The following DCP1A variants were observed in gnomAD, a reference collection of about 807,000 sequenced individuals.
The protein encoded by DCP1A is decapping mRNA 1A.
DCP1A carries 20 observed loss-of-function variants against 58.0 expected under a neutral mutation model. That is an observed-to-expected ratio of 0.34 (90% CI 0.24 to 0.50). The LOEUF (loss-of-function observed/expected upper bound fraction) is 0.50, where lower values mean the gene tolerates loss of function less well. Among genes scored for constraint, DCP1A ranks in the 20% least tolerant of loss-of-function variants. DCP1A has a pLI of 0.98. For missense variants in DCP1A, 613 were observed against 712.2 expected, an observed-to-expected ratio of 0.86 and a Z score of 1.59; for synonymous variants, 285 against 275.1, an observed-to-expected ratio of 1.04 and a Z score of -0.36.
intron 8 of DCP1A, among the ~76,000 whole-genome samples, chr3:53,289,011 T>A (rs1208069627): frequency 9.3e-5 from 14 of 150,396 alleles, no homozygotes; most frequent in African/African-American, 3.4e-4. Context: ...AAAGACTCCA[T>A]CTCGTCTTTT....
At chr3:53,325,585 G>A (rs1708083956) in intron 3 of DCP1A, among the ~76,000 whole-genome samples, 1 of 152,178 alleles carries the variant, frequency 6.6e-6, no homozygotes, top group Non-Finnish European at 1.5e-5. Flanking sequence ...CGGGCTTTGG[G>A]TATAGACAAA....
At position 53,333,287 on chromosome 3, in the gene DCP1A, C is replaced by A. The variant is rs559491776; in HGVS notation, c.304+8857G>T. Among the ~76,000 whole-genome samples the A allele has an allele frequency of 2.6e-5, 4 of 151,984 alleles. No homozygotes were observed. In the South Asian group the frequency reaches 8.3e-4, roughly 32 times the overall value. On this transcript the variant is annotated intron_variant, in intron 3 of 9. Coordinates refer to ENST00000610213, the MANE Select transcript of DCP1A (RefSeq NM_018403.7). ...TCCTGAGTAGCTGGGATTACAGGCGCCTGCCACCATGCCTGGCTAATTTTT... is the reference window on the plus strand; with the variant it reads ...TCCTGAGTAGCTGGGATTACAGGCGACTGCCACCATGCCTGGCTAATTTTT...
rs1252120135 is a variant in DCP1A at position 53,297,685 on chromosome 3, CA to C, written c.625-4859del. Reference sequence around the variant, plus strand: ...CTAATTCTTATTAATGCAAATTAAACAGCTCATAACCACCCCATTCTATTAC... The same window carrying C: ...CTAATTCTTATTAATGCAAATTAAACGCTCATAACCACCCCATTCTATTAC... On this transcript the variant is annotated intron_variant, in intron 6 of 9. Coordinates refer to ENST00000610213, the MANE Select transcript of DCP1A (RefSeq NM_018403.7). Among the ~76,000 whole-genome samples the C allele has an allele frequency of 5.3e-5, 8 of 152,252 alleles. No homozygotes were observed. The East Asian group carries it at 1.3e-3, about 26-fold the overall frequency.
Position 53,291,936 on chromosome 3 carries a change from G to A in DCP1A, c.1383+133C>T, listed in dbSNP as rs537646726. ...AGGGCTTCTTACCTCACCTGTCTCC[G>A]AGCCTCTGACATACTTTAAAGGGAC... On this transcript the variant is annotated intron_variant, in intron 7 of 9. Transcript: ENST00000610213. 17 of 963,632 alleles carry A rather than the reference G, an allele frequency of 1.8e-5. No individual in the cohort carries two copies. In the African/African-American group the frequency reaches 1.8e-4, roughly 10 times the overall value. 59.7% of individuals were successfully genotyped at this position (963,632 alleles called of 1,614,324 possible). A position where few individuals can be genotyped will look rare whatever the true frequency, so the allele number is the denominator to read the frequency against.
chr3:53,327,989 G>A (rs1240235623), intron 3 of DCP1A, among the ~76,000 whole-genome samples: 3 of 152,150 alleles, frequency 2.0e-5, no homozygotes, highest in Non-Finnish European at 4.4e-5. Context: ...CGGGCATGGT[G>A]GCGTGTGCCT....
At position 53,289,612 on chromosome 3, in the gene DCP1A, C is replaced by CAAAA. The variant is rs782533868; in HGVS notation, c.1449+1175_1449+1178dup. On this transcript the variant is annotated intron_variant, in intron 8 of 9. Coordinates refer to ENST00000610213, the MANE Select transcript of DCP1A (RefSeq NM_018403.7). ...GGGCAACAAAGCAAGACTCTGCTTC[C>CAAAA]AAAAAAAAAAAAAAATCCAGTTATG... is the stretch of plus-strand genomic sequence containing the variant. Among the ~76,000 whole-genome samples the CAAAA allele has an allele frequency of 5.4e-5, 5 of 91,754 alleles. No homozygotes were observed. The South Asian group carries it at 1.3e-3, about 24-fold the overall frequency. The allele number at this position is 91,754 out of a possible 152,430, so 60.2% of individuals were successfully genotyped here.
intron 4 of DCP1A, among the ~76,000 whole-genome samples, chr3:53,317,376 G>A (rs1472230668): frequency 6.6e-6 from 1 of 152,120 alleles, no homozygotes; most frequent in Non-Finnish European, 1.5e-5. Flanking sequence ...TGTTGGTCAG[G>A]CTGGTCTCGC....
At chr3:53,334,533 C>T (rs2089077056) in intron 3 of DCP1A, among the ~76,000 whole-genome samples, 1 of 152,100 alleles carries the variant, frequency 6.6e-6, no homozygotes. Flanking sequence ...ATACACAAAA[C>T]CTTATTAATC....
intron 3 of DCP1A, among the ~76,000 whole-genome samples, chr3:53,335,091 G>C (rs2089087605): frequency 7.2e-6 from 1 of 138,604 alleles, no homozygotes. Context: ...GTCTGGGTGT[G>C]TGTGTGTGTG....
chr3:53,320,571 T>A (rs1350787352), intron 3 of DCP1A, among the ~76,000 whole-genome samples: 1 of 152,212 alleles, frequency 6.6e-6, no homozygotes, highest in Non-Finnish European at 1.5e-5. Flanking sequence ...TAAAACTTTT[T>A]ATTTTGAAAT....
chr3:53,312,443 T>C (rs1212988509), intron 4 of DCP1A, 64 bp from the exon 5 acceptor site: 6 of 1,433,302 alleles, frequency 4.2e-6, no homozygotes, highest in South Asian at 2.9e-5. Context: ...AAGATTTCTT[T>C]TGGTGTTCAT....
At chr3:53,336,386 C>T (rs1417484657) in intron 3 of DCP1A, among the ~76,000 whole-genome samples, 6 of 152,154 alleles carry the variant, frequency 3.9e-5, no homozygotes, top group South Asian at 2.1e-4. Context: ...GGATTTCAGG[C>T]GTGAGCCACC....
chr3:53,288,269 T>C lies in DCP1A; in HGVS notation c.1464A>G (p.Pro488=). ...LSSAIPVAGA[P]LVTATTTAVS... ...CTGCAGTGGTCGTTGCAGTAACCAG[T>C]GGGGCGCCTGCAACCTGGAGAGTGA... is the stretch of plus-strand genomic sequence containing the variant. The change falls in exon 9 of 10, where the codon CCA becomes CCG. Residue 488 remains proline, a synonymous_variant. Transcript: ENST00000610213. 6.2e-7 allele frequency: 1 copy of C among 1,610,242 alleles called. No homozygotes were observed. The highest frequency in any genetic ancestry group is 8.5e-7 in the Non-Finnish European group (1 of 1,178,238).
chr3:53,291,875 C>T (rs13063111), intron 7 of DCP1A, among the ~76,000 whole-genome samples, 194 bp downstream of exon 7: 2 of 151,970 alleles, frequency 1.3e-5, no homozygotes, highest in Non-Finnish European at 2.9e-5. Flanking sequence ...GTGAATATCC[C>T]GATAGGAAAA....
intron 3 of DCP1A, chr3:53,329,563 T>C (rs1244323594): frequency 1.3e-5 from 5 of 388,620 alleles, no homozygotes; most frequent in African/African-American, 8.3e-5. Context: ...AGTAGATATA[T>C]GACATTAACT....
intron 3 of DCP1A, among the ~76,000 whole-genome samples, chr3:53,335,009 C>T (rs1399042606): frequency 3.3e-5 from 5 of 150,762 alleles, no homozygotes; most frequent in African/African-American, 1.2e-4. Context: ...AACTGGTGTT[C>T]CTTTGTAAAC....
In DCP1A at chr3:53,294,470, G is replaced by A. The variant is rs1453726074; in HGVS notation, c.625-1643C>T. On this transcript the variant is annotated intron_variant, in intron 6 of 9. Transcript: ENST00000610213. ...GGGTTAGGGAGAGGGGGAAGCTGAA[G>A]TTAGTTGTGAACATGTCTGGAGGTC... 2.0e-5 allele frequency among the ~76,000 whole-genome samples: 3 copies of A among 152,140 alleles called. No homozygotes were observed. In the East Asian group the frequency reaches 5.8e-4, roughly 29 times the overall value.
intron 8 of DCP1A, among the ~76,000 whole-genome samples, chr3:53,288,834 T>C (rs1706746108): frequency 6.6e-6 from 1 of 152,118 alleles, no homozygotes; most frequent in Non-Finnish European, 1.5e-5. Context: ...CTGGCCAACA[T>C]GGTGAAACCC....
intron 1 of DCP1A, among the ~76,000 whole-genome samples, chr3:53,346,898 G>A (rs1575628342): frequency 2.0e-5 from 3 of 151,984 alleles, no homozygotes; most frequent in East Asian, 3.9e-4. Flanking sequence ...AAACTAATTG[G>A]ATTTTAAACT....
Sources: allele counts gnomAD v4.1 joint callset (sites outside exome capture counted in the v4.1 genomes callset), GRCh38; gene constraint gnomAD v4.1.1; transcripts MANE v1.5; gene names NCBI Gene and HGNC (gene_info 2026-07-23, HGNC 2026-07-21).